Variants in OXCT1 observed in about 807,000 individuals in gnomAD.
OXCT1 encodes 3-oxoacid CoA-transferase 1.
OXCT1 carries 27 observed loss-of-function variants against 69.6 expected under a neutral mutation model. The observed-to-expected ratio is 0.39, with a 90% CI of 0.29 to 0.54. The LOEUF (loss-of-function observed/expected upper bound fraction) is 0.54. OXCT1 is among the 20% of genes least tolerant of loss of function. The pLI is 0.72. For missense variants in OXCT1, 437 were observed against 650.2 expected (o/e 0.67, Z 3.57); for synonymous variants, 202 against 217.8 (o/e 0.93, Z 0.64).
chr5:41,790,282 T>C (rs1745852581), intron 13 of OXCT1, among the ~76,000 whole-genome samples: 1 of 152,192 alleles, frequency 6.6e-6, no homozygotes. Flanking sequence ...TCTCCAAAAA[T>C]AGGCATTCAG....
At chr5:41,754,284 C>G (rs545642851) in intron 14 of OXCT1, among the ~76,000 whole-genome samples, 1 of 151,982 alleles carries the variant, frequency 6.6e-6, no homozygotes, top group Non-Finnish European at 1.5e-5. Context: ...TTATCAACAC[C>G]CTTGCTCTTT....
chr5:41,844,025 C>T (rs777642113), intron 5 of OXCT1, among the ~76,000 whole-genome samples: 5 of 152,170 alleles, frequency 3.3e-5, no homozygotes, highest in Non-Finnish European at 5.9e-5. Context: ...GAGTGTTTTA[C>T]ATACAGATCT....
In OXCT1 at chr5:41,863,827, T is replaced by G. The variant is rs568713457; in HGVS notation, c.79-1077A>C. On this transcript the variant is annotated intron_variant, in intron 1 of 16. Transcript: ENST00000196371. The stretch of plus-strand genomic sequence containing the variant: ...TATTTATTCCAACACAGTTAAGTAT[T>G]AAGACATGAGCACTGCTCTCTAAGA... Among the ~76,000 whole-genome samples, 8 of 152,294 alleles carry G rather than the reference T, an allele frequency of 5.3e-5. No homozygotes were observed. In the East Asian group the frequency reaches 1.5e-3, roughly 29 times the overall value.
intron 7 of OXCT1, among the ~76,000 whole-genome samples, chr5:41,834,285 G>A (rs1579837885): frequency 6.6e-6 from 1 of 151,746 alleles, no homozygotes; most frequent in Admixed American, 6.6e-5. Flanking sequence ...AAAACAAAAT[G>A]GCACGAATAA....
chr5:41,869,574 AC>A, intron 1 of OXCT1, among the ~76,000 whole-genome samples: 1 of 152,276 alleles, frequency 6.6e-6, no homozygotes, highest in East Asian at 1.9e-4. Flanking sequence ...AAAGCCCCTA[AC>A]CCGGATACGA....
intron 7 of OXCT1, among the ~76,000 whole-genome samples, chr5:41,818,659 C>T (rs192813492): frequency 1.3e-5 from 2 of 152,036 alleles, no homozygotes; most frequent in Non-Finnish European, 2.9e-5. Flanking sequence ...TGGTTGTGTA[C>T]CTGGATTTTC....
At chr5:41,844,968 C>A (rs1748823415) in intron 5 of OXCT1, among the ~76,000 whole-genome samples, 1 of 151,784 alleles carries the variant, frequency 6.6e-6, no homozygotes, top group South Asian at 2.1e-4. Context: ...AGAACCACCA[C>A]CCCAGCAGCC....
intron 1 of OXCT1, among the ~76,000 whole-genome samples, chr5:41,863,346 T>C (rs1749828161): frequency 6.6e-6 from 1 of 152,152 alleles, no homozygotes; most frequent in African/African-American, 2.4e-5. Flanking sequence ...TAAGCAATTT[T>C]CTAGTATAAA....
At chr5:41,792,818 T>C (rs1408661646) in intron 13 of OXCT1, among the ~76,000 whole-genome samples, 1 of 152,206 alleles carries the variant, frequency 6.6e-6, no homozygotes, top group Non-Finnish European at 1.5e-5. Context: ...CAATCTTTAA[T>C]ATGCTGGTTC....
At chr5:41,809,658 A>T (rs1306784388) in intron 7 of OXCT1, among the ~76,000 whole-genome samples, 1 of 152,024 alleles carries the variant, frequency 6.6e-6, no homozygotes, top group Non-Finnish European at 1.5e-5. Context: ...GAAGAAAAAA[A>T]AGTATTGCTC....
intron 13 of OXCT1, among the ~76,000 whole-genome samples, chr5:41,790,840 G>GA (rs1485587788): frequency 6.6e-6 from 1 of 151,672 alleles, no homozygotes; most frequent in African/African-American, 2.4e-5. Context: ...ACCAATAAAA[G>GA]AAAAAAAATG....
chr5:41,758,097 G>A (rs545683099), intron 14 of OXCT1, among the ~76,000 whole-genome samples: 4 of 152,128 alleles, frequency 2.6e-5, no homozygotes, highest in East Asian at 1.9e-4. Context: ...GATAAACAGA[G>A]TAGAAATACA....
rs375821833 is a variant in OXCT1 at position 41,849,645 on chromosome 5, A to G, written c.564+385T>C. On this transcript the variant is annotated intron_variant, in intron 5 of 16. Coordinates refer to ENST00000196371, the MANE Select transcript of OXCT1 (RefSeq NM_000436.4). The stretch of plus-strand genomic sequence containing the variant: ...TTATTTCCTTGTTTTTTCTTCCTAC[A>G]GTCACTTTAGGAAGGGCCTGAGCAT... Among the ~76,000 whole-genome samples, 222 of 152,302 alleles carry G rather than the reference A, an allele frequency of 1.5e-3. 1 individual carries two copies. Among genetic ancestry groups the G allele is most frequent in the African/African-American group, 5.2e-3 (216 of 41,576 alleles).
At position 41,737,794 on chromosome 5, in the gene OXCT1, G is replaced by A. The variant is rs954469851; in HGVS notation, c.1521+1596C>T. On this transcript the variant is annotated intron_variant, in intron 16 of 16. Coordinates refer to ENST00000196371, the MANE Select transcript of OXCT1 (RefSeq NM_000436.4). The stretch of plus-strand genomic sequence containing the variant: ...GTGTAGGCCGGGCACGGTGGCTCAC[G>A]CCTGTAATCCCAGCACTTTGGGAGG... 3.9e-5 allele frequency among the ~76,000 whole-genome samples: 6 copies of A among 152,262 alleles called. No homozygotes were observed. The East Asian group carries it at 5.8e-4, about 15-fold the overall frequency.
At chr5:41,738,854 T>A (rs942857805) in intron 16 of OXCT1, among the ~76,000 whole-genome samples, 3 of 152,234 alleles carry the variant, frequency 2.0e-5, no homozygotes, top group Non-Finnish European at 4.4e-5. Context: ...TGTAAGTCTG[T>A]TTTATGTACT....
chr5:41,743,843 C>G (rs1470997638), intron 15 of OXCT1, among the ~76,000 whole-genome samples: 1 of 152,116 alleles, frequency 6.6e-6, no homozygotes, highest in Non-Finnish European at 1.5e-5. Flanking sequence ...GTCTATATCT[C>G]TGTTTTGGTA....
At chr5:41,765,479 A>C (rs1337992189) in intron 13 of OXCT1, among the ~76,000 whole-genome samples, 1 of 152,184 alleles carries the variant, frequency 6.6e-6, no homozygotes, top group African/African-American at 2.4e-5. Flanking sequence ...CAGGGTGCTA[A>C]GCCACTCAAA....
chr5:41,803,004 T>C (rs910618135), intron 10 of OXCT1, 65 bp downstream of exon 10: 2 of 1,173,772 alleles, frequency 1.7e-6, no homozygotes, highest in East Asian at 2.4e-5. Flanking sequence ...AATAAAAAAT[T>C]TCACAACATG....
At chr5:41,753,268 AAT>A (rs1236316103) in intron 14 of OXCT1, among the ~76,000 whole-genome samples, 6 of 134,622 alleles carry the variant, frequency 4.5e-5, no homozygotes, top group Non-Finnish European at 9.5e-5. Flanking sequence ...ATGTGGCTGC[AAT>A]ACACACACAC....
Sources: gnomAD v4.1 joint callset for allele counts (sites outside exome capture counted in the v4.1 genomes callset) on GRCh38, gnomAD v4.1.1 for gene constraint, MANE v1.5 for transcripts, NCBI Gene and HGNC (gene_info 2026-07-23, HGNC 2026-07-21) for gene names.